Variants in DCC observed in about 807,000 individuals in gnomAD.
DCC encodes the protein netrin receptor DCC.
DCC carries 58 observed loss-of-function variants against 172.5 expected under a neutral mutation model. The observed-to-expected ratio is 0.34, with a 90% CI of 0.27 to 0.42. The LOEUF (loss-of-function observed/expected upper bound fraction) is 0.42. Ranked by LOEUF, DCC falls within the 10% of genes least tolerant of loss-of-function variation. DCC has a pLI of 1.00. For synonymous variants in DCC, 709 were observed against 644.5 expected (o/e 1.10, Z -1.52); for missense variants, 1,740 against 1,791.0 (o/e 0.97, Z 0.51).
intron 2 of DCC, among the ~76,000 whole-genome samples, chr18:52,761,674 C>T (rs2037161741): frequency 6.6e-6 from 1 of 152,050 alleles, no homozygotes; most frequent in South Asian, 2.1e-4. Context: ...ACACCTGTGA[C>T]TCTTAGTGCT....
At chr18:53,440,646 CAAAAG>C (rs571841079) in intron 22 of DCC, among the ~76,000 whole-genome samples, 193 of 151,820 alleles carry the variant, frequency 1.3e-3, no homozygotes, top group Non-Finnish European at 2.4e-3. Context: ...AATCTTAATG[CAAAAG>C]AAAAGATACA....
At chr18:52,867,623 G>A (rs1214876458) in intron 2 of DCC, among the ~76,000 whole-genome samples, 1 of 152,014 alleles carries the variant, frequency 6.6e-6, no homozygotes, top group African/African-American at 2.4e-5. Flanking sequence ...GGGCGTATAT[G>A]TCCAGGAATT....
chr18:52,733,537 C>T (rs1599057660), intron 1 of DCC, among the ~76,000 whole-genome samples: 2 of 151,970 alleles, frequency 1.3e-5, no homozygotes, highest in South Asian at 2.1e-4. Context: ...CTCTGTTGCC[C>T]GAGCTGGAGT....
At chr18:52,376,198 A>G (rs1253521986) in intron 1 of DCC, among the ~76,000 whole-genome samples, 1 of 152,192 alleles carries the variant, frequency 6.6e-6, no homozygotes, top group East Asian at 1.9e-4. Context: ...TCTTTTGCTT[A>G]AAAAGAACAT....
intron 5 of DCC, among the ~76,000 whole-genome samples, chr18:52,959,591 A>G (rs574340981): frequency 2.0e-5 from 3 of 151,692 alleles, no homozygotes; most frequent in African/African-American, 7.3e-5. Flanking sequence ...AGTGTCTGTC[A>G]TTCCCAAACT....
At chr18:52,693,394 C>A (rs1471095600) in intron 1 of DCC, among the ~76,000 whole-genome samples, 1 of 145,460 alleles carries the variant, frequency 6.9e-6, no homozygotes, top group African/African-American at 2.5e-5. Flanking sequence ...AAATATATAT[C>A]ATATATAATA....
At chr18:52,895,108 T>A (rs1469143192) in intron 2 of DCC, among the ~76,000 whole-genome samples, 1 of 152,182 alleles carries the variant, frequency 6.6e-6, no homozygotes, top group Admixed American at 6.5e-5. Context: ...GTGACAGTGA[T>A]GTGATGAAAA....
chr18:52,841,824 T>G (rs988126306), intron 2 of DCC, among the ~76,000 whole-genome samples: 2 of 152,130 alleles, frequency 1.3e-5, no homozygotes, highest in Non-Finnish European at 2.9e-5. Flanking sequence ...ATCCATCTTC[T>G]TTCATCCCCT....
intron 5 of DCC, among the ~76,000 whole-genome samples, chr18:52,973,384 T>C (rs2145590311): frequency 6.6e-6 from 1 of 152,280 alleles, no homozygotes; most frequent in Admixed American, 6.5e-5. Flanking sequence ...AATAATACGA[T>C]GCTCATTTTA....
At chr18:53,094,120 A>C (rs2043051047) in intron 7 of DCC, among the ~76,000 whole-genome samples, 1 of 152,190 alleles carries the variant, frequency 6.6e-6, no homozygotes, top group Non-Finnish European at 1.5e-5. Context: ...ATTTTGTGGT[A>C]ATATTTACAG....
chr18:53,523,838 C>T (rs2046426304), intron 27 of DCC, among the ~76,000 whole-genome samples: 1 of 151,900 alleles, frequency 6.6e-6, no homozygotes, highest in Non-Finnish European at 1.5e-5. Flanking sequence ...ACCACCATGG[C>T]ACATGTATAC....
intron 5 of DCC, among the ~76,000 whole-genome samples, chr18:52,983,706 T>C (rs2041248462): frequency 6.6e-6 from 1 of 152,178 alleles, no homozygotes; most frequent in Non-Finnish European, 1.5e-5. Context: ...TCAGCATCTG[T>C]AGCTGGTTTT....
At chr18:53,266,933 T>C (rs1377716886) in intron 12 of DCC, among the ~76,000 whole-genome samples, 1 of 152,030 alleles carries the variant, frequency 6.6e-6, no homozygotes, top group Non-Finnish European at 1.5e-5. Context: ...AGATCACAGA[T>C]GTTTGGGCTG....
At chr18:52,411,612 T>G (rs754423927) in intron 1 of DCC, among the ~76,000 whole-genome samples, 5 of 152,150 alleles carry the variant, frequency 3.3e-5, no homozygotes, top group Non-Finnish European at 7.4e-5. Context: ...ACTAGGAACT[T>G]TCCTCCTTTC....
chr18:53,399,239 G>T (rs1370891046), intron 18 of DCC, among the ~76,000 whole-genome samples: 2 of 152,070 alleles, frequency 1.3e-5, no homozygotes, highest in African/African-American at 2.4e-5. Context: ...TCCCTTCAAG[G>T]TGCTACCATA....
In DCC at chr18:52,692,711, C is replaced by T. The variant is rs550459435; in HGVS notation, c.92-59343C>T. On this transcript the variant is annotated intron_variant, in intron 1 of 28. Coordinates refer to ENST00000442544, the MANE Select transcript of DCC (RefSeq NM_005215.4). The stretch of plus-strand genomic sequence containing the variant: ...TCTCCCAAAGAATTGGGATTAGCAG[C>T]GTGAGCCACCACACCTGGCCAGCTT... Among the ~76,000 whole-genome samples, 4 of 152,164 alleles carry T rather than the reference C, an allele frequency of 2.6e-5. No individual in the cohort carries two copies. The South Asian group carries it at 6.2e-4, about 24-fold the overall frequency.
Position 53,429,081 on chromosome 18 carries a change from TTATATAATATATATTTTA to T in DCC, c.3164-6048_3164-6031del, listed in dbSNP as rs1473405610. ...ATATATTTTATATATAATATATATT[TTATATAATATATATTTTA>T]TATATAATATATATATTTTATATAT... On this transcript the variant is annotated intron_variant, in intron 21 of 28. Transcript: ENST00000442544. Among the ~76,000 whole-genome samples the T allele has an allele frequency of 1.3e-4, 11 of 86,988 alleles. 1 individual carries two copies. The highest frequency in any genetic ancestry group is 4.1e-4 in the African/African-American group (11 of 26,964). 57.1% of individuals were successfully genotyped at this position (86,988 alleles called of 152,430 possible).
chr18:53,079,902 G>C (rs1346512356), intron 7 of DCC, among the ~76,000 whole-genome samples: 1 of 152,138 alleles, frequency 6.6e-6, no homozygotes, highest in East Asian at 1.9e-4. Context: ...GAGATATGCA[G>C]GGGCTGGATC....
At chr18:52,843,354 T>A (rs552543919) in intron 2 of DCC, among the ~76,000 whole-genome samples, 2 of 152,188 alleles carry the variant, frequency 1.3e-5, no homozygotes, top group South Asian at 4.1e-4. Flanking sequence ...ATGACATCTA[T>A]ACCTACCTAT....
Sources: allele counts gnomAD v4.1 joint callset (sites outside exome capture counted in the v4.1 genomes callset), GRCh38; gene constraint gnomAD v4.1.1; transcripts MANE v1.5; gene names NCBI Gene and HGNC (gene_info 2026-07-23, HGNC 2026-07-21).